DNAH11: variants seen among roughly 807,000 people sequenced by gnomAD.
DNAH11 encodes the protein dynein axonemal heavy chain 11.
A neutral mutation model predicts 526.0 loss-of-function variants in DNAH11; 442 were observed. The observed-to-expected ratio is 0.84, with a 90% confidence interval of 0.78 to 0.91. The LOEUF is 0.91. DNAH11 is among the 40% of genes least tolerant of loss of function. The pLI is 0.00. For synonymous variants in DNAH11, 2,461 were observed against 1,935.9 expected (o/e 1.27, Z -7.12); for missense variants, 6,989 against 5,448.7 (o/e 1.28, Z -8.90).
chr7:21,594,098 A>ACACACTCT (rs534629301), intron 14 of DNAH11, among the ~76,000 whole-genome samples: 9 of 147,982 alleles, frequency 6.1e-5, no homozygotes, highest in Non-Finnish European at 8.9e-5. Flanking sequence ...ACACACACAC[A>ACACACTCT]CTCTGAAGCC....
At chr7:21,740,541 A>T (rs756496256) in intron 48 of DNAH11, among the ~76,000 whole-genome samples, 7 of 152,142 alleles carry the variant, frequency 4.6e-5, no homozygotes, top group Non-Finnish European at 1.0e-4. Flanking sequence ...CAGTTACGGC[A>T]TATTGCAGAA....
intron 54 of DNAH11, among the ~76,000 whole-genome samples, chr7:21,760,251 T>G (rs1786840469): frequency 6.6e-6 from 1 of 152,158 alleles, no homozygotes; most frequent in Admixed American, 6.5e-5. Context: ...CAAGAAAGGA[T>G]GTCTCAGACT....
chr7:21,765,923 T>G (rs1444260357), intron 55 of DNAH11, among the ~76,000 whole-genome samples: 2 of 152,128 alleles, frequency 1.3e-5, no homozygotes, highest in Non-Finnish European at 2.9e-5. Context: ...TAATGGGGCT[T>G]GCTGATTATA....
intron 30 of DNAH11, among the ~76,000 whole-genome samples, chr7:21,672,877 C>CCTTAAGTCTGTTA (rs1417545174): frequency 5.3e-5 from 8 of 152,288 alleles, no homozygotes; most frequent in African/African-American, 1.7e-4. Flanking sequence ...TTCTCTCTGA[C>CCTTAAGTCTGTTA]CTTAAGTCTG....
chr7:21,615,300 T>C (rs755054856), intron 21 of DNAH11, 28 bp downstream of exon 21: 2 of 1,604,672 alleles, frequency 1.2e-6, no homozygotes, highest in South Asian at 1.1e-5. Context: ...AAAACATGCT[T>C]TTTATTTAGT....
rs766041925 is a variant in DNAH11 at position 21,570,155 on chromosome 7, A to G, written c.1281A>G (p.Leu427=). ...AGGTGCAGGTGGCTGTTAACATCTTAAAGACTTTCAAAAACTCCTTTTTCA... is the reference window on the plus strand; with the variant it reads ...AGGTGCAGGTGGCTGTTAACATCTTGAAGACTTTCAAAAACTCCTTTTTCA... ...LEKVQVAVNI[L]KTFKNSFFNY... The change falls in exon 7 of 82, where the codon TTA becomes TTG. Residue 427 remains leucine, a synonymous_variant. Coordinates refer to ENST00000409508, the MANE Select transcript of DNAH11 (RefSeq NM_001277115.2). 1.2e-6 allele frequency: 2 copies of G among 1,613,422 alleles called. No individual in the cohort carries two copies. The highest frequency in any genetic ancestry group is 1.1e-5 in the South Asian group (1 of 91,058).
At position 21,717,882 on chromosome 7, in the gene DNAH11, G is replaced by A. The variant is rs766857730; in HGVS notation, c.7091G>A (p.Ser2364Asn). The A allele has an allele frequency of 2.5e-6, 4 of 1,613,766 alleles. No homozygotes were observed. The Admixed American group carries it at 6.7e-5, about 27-fold the overall frequency. ...GCATGCTTGGATAAACTGAGAACAA[G>A]CTTTAAAACCATCACTTCAATTCCT... Reference protein sequence around the residue: ...VPACLDKLRTSFKTITSIPES... With the variant: ...VPACLDKLRTNFKTITSIPES... The change falls in exon 43 of 82, where the codon AGC (serine) becomes AAC (asparagine). Residue 2364 changes from serine (S) to asparagine (N), a missense_variant. Physicochemically the swap from Ser to Asn is conservative, Grantham distance 46 (BLOSUM62 1). Transcript: ENST00000409508.
At chr7:21,758,988 A>G (rs1040036428) in intron 54 of DNAH11, among the ~76,000 whole-genome samples, 1 of 152,248 alleles carries the variant, frequency 6.6e-6, no homozygotes, top group Non-Finnish European at 1.5e-5. Context: ...ATACGGGGCT[A>G]TCCAGAAGAA....
chr7:21,893,147 A>G (rs945667444), intron 77 of DNAH11, among the ~76,000 whole-genome samples: 4 of 152,224 alleles, frequency 2.6e-5, no homozygotes, highest in African/African-American at 7.2e-5. Context: ...TCTGCAGTCA[A>G]TATGCAAAGG....
rs1212774351 is a variant in DNAH11 at position 21,811,085 on chromosome 7, AATGTT to A, written c.10332+3039_10332+3043del. Among the ~76,000 whole-genome samples, 3 of 152,200 alleles carry A rather than the reference AATGTT, an allele frequency of 2.0e-5. No homozygotes were observed. In the East Asian group the frequency reaches 5.8e-4, roughly 29 times the overall value. ...AACATACGGTATAAATACACAACAGAATGTTATTCAGCCTCAAAAATGAAGGAAAT... is the reference window on the plus strand; with the variant it reads ...AACATACGGTATAAATACACAACAGAATTCAGCCTCAAAAATGAAGGAAAT... On this transcript the variant is annotated intron_variant, in intron 63 of 81. Transcript: ENST00000409508.
chr7:21,640,766 G>T (rs941022148), intron 28 of DNAH11, among the ~76,000 whole-genome samples: 6 of 152,082 alleles, frequency 3.9e-5, no homozygotes, highest in African/African-American at 1.4e-4. Context: ...GCATATTCTA[G>T]TTGGAAATTT....
At position 21,873,325 on chromosome 7, in the gene DNAH11, A is replaced by C; in HGVS notation, c.12019A>C (p.Arg4007=). 6.2e-7 allele frequency: 1 copy of C among 1,610,708 alleles called. No individual in the cohort carries two copies. Among genetic ancestry groups the C allele is most frequent in the Non-Finnish European group, 8.5e-7 (1 of 1,178,364 alleles). Residue 4007 remains arginine, a synonymous_variant, in exon 74 of 82, where the codon AGA becomes CGA. Coordinates refer to ENST00000409508, the MANE Select transcript of DNAH11 (RefSeq NM_001277115.2). ...AGGAACCTTGGAGAAGCTCCTTGAA[A>C]GATTCAGCCAAGGAAGCCACAGAGA... is the stretch of plus-strand genomic sequence containing the variant. ...WLGTLEKLLE[R]FSQGSHRDYR...
intron 39 of DNAH11, among the ~76,000 whole-genome samples, chr7:21,706,670 A>G (rs1322687243): frequency 6.6e-6 from 1 of 152,182 alleles, no homozygotes; most frequent in Non-Finnish European, 1.5e-5. Context: ...ACTTTCTTCT[A>G]GTCTTCACCA....
In DNAH11 at chr7:21,651,052, A is replaced by G. The variant is rs16872826; in HGVS notation, c.4945-4780A>G. Among the ~76,000 whole-genome samples, 1,209 of 152,064 alleles carry G rather than the reference A, an allele frequency of 8.0e-3. 49 individuals are homozygous for G. Among genetic ancestry groups the G allele is most frequent in the South Asian group, 0.078 (375 of 4,818 alleles). ...TCATGGACTCACTTTATCTCATTCT[A>G]GAGAATATCATCCACAAAAGACCAG... On this transcript the variant is annotated intron_variant, in intron 28 of 81. Transcript: ENST00000409508.
At chr7:21,854,985 C>T (rs1318895775) in intron 68 of DNAH11, among the ~76,000 whole-genome samples, 8 of 150,652 alleles carry the variant, frequency 5.3e-5, no homozygotes, top group South Asian at 2.1e-4. Flanking sequence ...ACTGTGCATA[C>T]GGTATCATAT....
intron 54 of DNAH11, among the ~76,000 whole-genome samples, chr7:21,752,862 G>A (rs1401549757): frequency 6.6e-6 from 1 of 152,044 alleles, no homozygotes; most frequent in East Asian, 1.9e-4. Flanking sequence ...ACGGGTGCCT[G>A]CCACCACACT....
intron 45 of DNAH11, among the ~76,000 whole-genome samples, chr7:21,735,266 A>G (rs1785553636): frequency 6.6e-6 from 1 of 152,222 alleles, no homozygotes; most frequent in Non-Finnish European, 1.5e-5. Context: ...GAAATGTTGT[A>G]GATAGTTTCT....
intron 25 of DNAH11, among the ~76,000 whole-genome samples, chr7:21,630,834 A>G (rs989442415): frequency 6.6e-6 from 1 of 152,118 alleles, no homozygotes. Context: ...GTGTTCTCTG[A>G]CCTTTTTGTA....
chr7:21,867,399 T>C (rs539974450), intron 71 of DNAH11, among the ~76,000 whole-genome samples: 1 of 152,392 alleles, frequency 6.6e-6, no homozygotes, highest in East Asian at 1.9e-4. Flanking sequence ...TACTTTCTGC[T>C]AAATCTGATG....
Sources: gnomAD v4.1 joint callset for allele counts (sites outside exome capture counted in the v4.1 genomes callset) on GRCh38, gnomAD v4.1.1 for gene constraint, MANE v1.5 for transcripts, NCBI Gene and HGNC (gene_info 2026-07-23, HGNC 2026-07-21) for gene names.